Variants in KCNIP4 observed in about 807,000 individuals in gnomAD.
KCNIP4 encodes Kv channel-interacting protein 4.
In KCNIP4, 12 loss-of-function variants were observed where a neutral mutation model predicts 34.0. That is an observed-to-expected ratio of 0.35 (90% CI 0.23 to 0.57). The LOEUF (loss-of-function observed/expected upper bound fraction) is 0.57, where lower values mean the gene tolerates loss of function less well. Ranked by LOEUF, KCNIP4 falls within the 20% of genes least tolerant of loss-of-function variation. KCNIP4 has a pLI of 0.83. For missense variants in KCNIP4, 238 were observed against 311.7 expected, an observed-to-expected ratio of 0.76 and a Z score of 1.78; for synonymous variants, 124 against 102.2, an observed-to-expected ratio of 1.21 and a Z score of -1.29.
chr4:21,467,132 T>C (rs1730051299), intron 1 of KCNIP4, among the ~76,000 whole-genome samples: 1 of 121,620 alleles, frequency 8.2e-6, no homozygotes, highest in Non-Finnish European at 1.8e-5. Flanking sequence ...CAGAACATAA[T>C]AAAACAAACT....
intron 1 of KCNIP4, among the ~76,000 whole-genome samples, chr4:21,257,011 A>G (rs940289792): frequency 2.0e-5 from 3 of 152,196 alleles, no homozygotes; most frequent in Admixed American, 6.5e-5. Flanking sequence ...TCATTTTTCC[A>G]TGCCACAATC....
At chr4:21,858,199 T>C (rs778793116) in intron 1 of KCNIP4, among the ~76,000 whole-genome samples, 2 of 152,202 alleles carry the variant, frequency 1.3e-5, no homozygotes, top group Non-Finnish European at 2.9e-5. Context: ...GAGGGCCCAG[T>C]GGGCAAGAGC....
At chr4:21,721,296 T>G (rs1205978749) in intron 1 of KCNIP4, among the ~76,000 whole-genome samples, 1 of 152,206 alleles carries the variant, frequency 6.6e-6, no homozygotes, top group East Asian at 1.9e-4. Context: ...ACCAAAAGAT[T>G]ATGTATGATT....
At chr4:21,133,881 G>A (rs889254317) in intron 1 of KCNIP4, among the ~76,000 whole-genome samples, 2 of 152,184 alleles carry the variant, frequency 1.3e-5, no homozygotes, top group African/African-American at 4.8e-5. Context: ...GCTTCATGGA[G>A]TAGACTGAGG....
intron 1 of KCNIP4, among the ~76,000 whole-genome samples, chr4:21,874,086 A>T (rs1165542902): frequency 1.3e-5 from 2 of 152,214 alleles, no homozygotes. Flanking sequence ...AGCCGCAACA[A>T]GGAGTAGCAC....
chr4:21,655,129 A>G (rs1174354195), intron 1 of KCNIP4, among the ~76,000 whole-genome samples: 1 of 152,192 alleles, frequency 6.6e-6, no homozygotes, highest in Non-Finnish European at 1.5e-5. Context: ...TCCAGAAGGC[A>G]GCAAGTATAT....
At chr4:21,417,632 G>A (rs903323775) in intron 1 of KCNIP4, among the ~76,000 whole-genome samples, 4 of 152,136 alleles carry the variant, frequency 2.6e-5, no homozygotes, top group African/African-American at 7.2e-5. Context: ...TGGCCCACCC[G>A]ATGTTTGTTA....
intron 1 of KCNIP4, among the ~76,000 whole-genome samples, chr4:21,285,527 A>G (rs1203058928): frequency 6.6e-6 from 1 of 152,130 alleles, no homozygotes; most frequent in Admixed American, 6.6e-5. Flanking sequence ...CCATGAAACT[A>G]CAATCTATAA....
At chr4:20,935,150 T>G (rs1313694671) in intron 1 of KCNIP4, among the ~76,000 whole-genome samples, 2 of 152,130 alleles carry the variant, frequency 1.3e-5, no homozygotes, top group Non-Finnish European at 2.9e-5. Context: ...CTAAAGAGAC[T>G]CTATTTCCAA....
intron 1 of KCNIP4, among the ~76,000 whole-genome samples, chr4:21,731,894 A>T (rs1430094378): frequency 6.6e-6 from 1 of 152,132 alleles, no homozygotes; most frequent in Non-Finnish European, 1.5e-5. Flanking sequence ...CAGAACAGCT[A>T]AGACAACTTG....
intron 1 of KCNIP4, among the ~76,000 whole-genome samples, chr4:21,095,074 T>C (rs1348935376): frequency 1.3e-5 from 2 of 152,194 alleles, no homozygotes; most frequent in Admixed American, 1.3e-4. Flanking sequence ...AAGGGGTGCA[T>C]TGAAATGGCT....
chr4:21,393,105 A>G (rs1442942968), intron 1 of KCNIP4, among the ~76,000 whole-genome samples: 1 of 152,152 alleles, frequency 6.6e-6, no homozygotes, highest in Admixed American at 6.6e-5. Context: ...TTCCTGGAAA[A>G]ATTTAATCAG....
rs1444900310 is a variant in KCNIP4, at chr4:21,720,032, AGAAGG to A, written c.61+228534_61+228538del. 2.7e-5 allele frequency among the ~76,000 whole-genome samples: 4 copies of A among 148,210 alleles called. No individual in the cohort carries two copies. In the East Asian group the frequency reaches 6.2e-4, roughly 23 times the overall value. The stretch of plus-strand genomic sequence containing the variant: ...AAGAAGAAGAAGGAGAAGGAGAAGG[AGAAGG>A]AGAAGGAGAAGAGGAAAAAGAAGAA... On this transcript the variant is annotated intron_variant, in intron 1 of 8. Transcript: ENST00000382152.
intron 1 of KCNIP4, among the ~76,000 whole-genome samples, chr4:21,563,385 G>A (rs1337395568): frequency 1.3e-5 from 2 of 152,076 alleles, no homozygotes; most frequent in African/African-American, 4.8e-5. Flanking sequence ...CCTTTGCTGT[G>A]TGAATATTGA....
intron 1 of KCNIP4, among the ~76,000 whole-genome samples, chr4:21,887,292 G>A (rs1726831135): frequency 6.6e-6 from 1 of 152,034 alleles, no homozygotes; most frequent in African/African-American, 2.4e-5. Context: ...GTTCTGGTGA[G>A]GACTCTCTCC....
intron 1 of KCNIP4, among the ~76,000 whole-genome samples, chr4:21,681,315 C>T (rs1750328995): frequency 6.6e-6 from 1 of 151,426 alleles, no homozygotes. Flanking sequence ...CTATGTTGAT[C>T]AGGCTGGTCT....
At chr4:21,263,533 G>T (rs1332648622) in intron 1 of KCNIP4, among the ~76,000 whole-genome samples, 1 of 152,144 alleles carries the variant, frequency 6.6e-6, no homozygotes, top group Admixed American at 6.5e-5. Flanking sequence ...AGAATGTTAT[G>T]ACTTATTTGA....
chr4:20,889,767 CAA>C (rs201346832), intron 1 of KCNIP4, among the ~76,000 whole-genome samples: 270 of 113,990 alleles, frequency 2.4e-3, no homozygotes, highest in Middle Eastern at 0.01. Context: ...ACTGGAAGTT[CAA>C]AAAAAAAAAA....
chr4:20,846,847 AC>A (rs1457763402), intron 3 of KCNIP4, among the ~76,000 whole-genome samples: 1 of 152,188 alleles, frequency 6.6e-6, no homozygotes, highest in African/African-American at 2.4e-5. Flanking sequence ...CAATATAATT[AC>A]TTGAAGAGCT....
Sources: gnomAD v4.1 joint callset for allele counts (sites outside exome capture counted in the v4.1 genomes callset) on GRCh38, gnomAD v4.1.1 for gene constraint, MANE v1.5 for transcripts, NCBI Gene and HGNC (gene_info 2026-07-23, HGNC 2026-07-21) for gene names.